Variants in PDE1C observed in about 807,000 individuals in gnomAD.
The protein encoded by PDE1C is dual specificity calcium/calmodulin-dependent 3',5'-cyclic nucleotide phosphodiesterase 1C.
In PDE1C, 62 loss-of-function variants were observed where a neutral mutation model predicts 93.1. The ratio of observed to expected loss-of-function variants is 0.67; its 90% CI spans 0.54 to 0.82. The LOEUF (loss-of-function observed/expected upper bound fraction) is 0.82. Among genes scored for constraint, PDE1C ranks in the 40% least tolerant of loss-of-function variants. The pLI is 0.00. For synonymous variants in PDE1C, 325 were observed against 310.1 expected (o/e 1.05, Z -0.50); for missense variants, 742 against 884.6 (o/e 0.84, Z 2.04).
chr7:32,306,317 C>T (rs1813002208), intron 1 of PDE1C, among the ~76,000 whole-genome samples: 1 of 152,154 alleles, frequency 6.6e-6, no homozygotes, highest in South Asian at 2.1e-4. Context: ...CTCACTCTTC[C>T]AATCCAATAG....
downstream of PDE1C, among the ~76,000 whole-genome samples, chr7:31,750,304 GC>G (rs11304455): frequency 0.91 from 137,941 of 152,120 alleles, 63,995 homozygotes; most frequent in Non-Finnish European, 1. Context: ...GAGGCCAAGG[GC>G]GTGGGGATAC....
At position 32,078,520 on chromosome 7, in the gene PDE1C, G is replaced by A. The variant is rs78249892; in HGVS notation, c.308+91265C>T. ...CTCCAGGAAAGTGGAAAGGTCCACA[G>A]CAGCCTAGATAATAACAGAGAACCT... is the stretch of plus-strand genomic sequence containing the variant. On this transcript the variant is annotated intron_variant, in intron 3 of 18. Coordinates refer to the PDE1C transcript ENST00000396193. Among the ~76,000 whole-genome samples, 631 of 152,318 alleles carry A rather than the reference G, an allele frequency of 4.1e-3. 6 individuals are homozygous for A. Among genetic ancestry groups the A allele is most frequent in the African/African-American group, 0.015 (607 of 41,548 alleles).
chr7:31,858,431 C>T (rs1794282323), intron 7 of PDE1C, among the ~76,000 whole-genome samples: 1 of 152,042 alleles, frequency 6.6e-6, no homozygotes, highest in African/African-American at 2.4e-5. Flanking sequence ...ATGACACAGG[C>T]AGATTCTTTA....
intron 1 of PDE1C, among the ~76,000 whole-genome samples, chr7:32,307,847 G>A (rs1403704383): frequency 1.3e-5 from 2 of 152,206 alleles, no homozygotes; most frequent in African/African-American, 4.8e-5. Flanking sequence ...TGAGGTACCG[G>A]GTTCATCTCA....
intron 3 of PDE1C, among the ~76,000 whole-genome samples, chr7:32,105,427 C>A (rs1798248625): frequency 2.0e-5 from 3 of 152,014 alleles, no homozygotes; most frequent in African/African-American, 4.8e-5. Flanking sequence ...GGGTAAAAAT[C>A]TGATGAAGAA....
intron 1 of PDE1C, among the ~76,000 whole-genome samples, chr7:32,056,320 TTCTCTCTC>T (rs10648394): frequency 0.015 from 1,641 of 111,086 alleles, 17 homozygotes; most frequent in Middle Eastern, 0.071. Flanking sequence ...GGGTCCACCG[TTCTCTCTC>T]TCTCTCTCTC....
intron 3 of PDE1C, among the ~76,000 whole-genome samples, chr7:32,126,218 T>C (rs1360156079): frequency 6.6e-6 from 1 of 151,150 alleles, no homozygotes; most frequent in African/African-American, 2.5e-5. Flanking sequence ...GATAGATAGA[T>C]AGATAGATAG....
At chr7:32,019,394 G>A (rs1053898740) in intron 2 of PDE1C, among the ~76,000 whole-genome samples, 4 of 152,218 alleles carry the variant, frequency 2.6e-5, no homozygotes, top group Admixed American at 2.6e-4. Flanking sequence ...TATGGTTGGT[G>A]CACACAGTGT....
At chr7:32,259,243 G>T (rs1055431395) in intron 1 of PDE1C, among the ~76,000 whole-genome samples, 1 of 152,140 alleles carries the variant, frequency 6.6e-6, no homozygotes, top group Non-Finnish European at 1.5e-5. Flanking sequence ...AAAGAGCCAA[G>T]GTTGGGGAGG....
chr7:32,196,833 T>C (rs1486384181), intron 2 of PDE1C, among the ~76,000 whole-genome samples: 5 of 152,198 alleles, frequency 3.3e-5, no homozygotes, highest in Non-Finnish European at 5.9e-5. Flanking sequence ...GACAATTCAG[T>C]AGTCAGGATC....
At chr7:32,088,726 TGACAGGCTCACTCCAGTGAGC>T (rs11269781) in intron 3 of PDE1C, among the ~76,000 whole-genome samples, 95,623 of 152,086 alleles carry the variant, frequency 0.63, 30,424 homozygotes, top group African/African-American at 0.71. Context: ...CTGTCTTTAG[TGACAGGCTCACTCCAGTGAGC>T]CACCCGTGAA....
rs182367096 is a variant in PDE1C, at chr7:32,224,682, C to T, written c.86-15143G>A. ...ACATTGTTTGCATCTTCACTGAGCA[C>T]GTGTGCGACACATAAATCTCAATAA... On this transcript the variant is annotated intron_variant, in intron 1 of 18. Transcript: ENST00000396193. Among the ~76,000 whole-genome samples, 13 of 152,268 alleles carry T rather than the reference C, an allele frequency of 8.5e-5. No individual in the cohort carries two copies. In the South Asian group the frequency reaches 2.1e-3, roughly 24 times the overall value.
intron 1 of PDE1C, among the ~76,000 whole-genome samples, chr7:32,258,391 C>G (rs1809958760): frequency 6.6e-6 from 1 of 152,232 alleles, no homozygotes; most frequent in Non-Finnish European, 1.5e-5. Flanking sequence ...TTGACTATTA[C>G]TTGCATCTTC....
intron 16 of PDE1C, among the ~76,000 whole-genome samples, chr7:31,783,026 G>A (rs1329843469): frequency 6.6e-6 from 1 of 152,172 alleles, no homozygotes; most frequent in Non-Finnish European, 1.5e-5. Flanking sequence ...TTATTGGGAC[G>A]TGACCCCATG....
At chr7:32,258,548 C>T (rs941990634) in intron 1 of PDE1C, among the ~76,000 whole-genome samples, 2 of 152,200 alleles carry the variant, frequency 1.3e-5, no homozygotes, top group African/African-American at 4.8e-5. Flanking sequence ...TCTCCATTAA[C>T]AAGCTGTGCA....
the PDE1C span, among the ~76,000 whole-genome samples, chr7:31,735,501 G>A: frequency 1.3e-5 from 2 of 151,974 alleles, no homozygotes; most frequent in African/African-American, 2.4e-5. Flanking sequence ...AAACCATACA[G>A]AAGGCATCTA....
At chr7:32,147,984 T>TTAAA in intron 3 of PDE1C, among the ~76,000 whole-genome samples, 1 of 79,724 alleles carries the variant, frequency 1.3e-5, no homozygotes, top group South Asian at 6.2e-4. Context: ...CCATTTATGC[T>TTAAA]AAAAAAAAAA....
intron 7 of PDE1C, among the ~76,000 whole-genome samples, chr7:31,860,622 C>A (rs1794584721): frequency 6.6e-6 from 1 of 152,038 alleles, no homozygotes. Context: ...GGATCTTAAT[C>A]TATGTTCTCT....
chr7:32,104,012 T>G (rs2128751464), intron 3 of PDE1C, among the ~76,000 whole-genome samples: 1 of 151,316 alleles, frequency 6.6e-6, no homozygotes, highest in African/African-American at 2.4e-5. Context: ...ACATGGAAAA[T>G]AATACAAAAG....
Sources: allele counts gnomAD v4.1 joint callset (sites outside exome capture counted in the v4.1 genomes callset), GRCh38; gene constraint gnomAD v4.1.1; transcripts MANE v1.5; gene names NCBI Gene and HGNC (gene_info 2026-07-23, HGNC 2026-07-21).